LRP1B: variants seen among roughly 807,000 people sequenced by gnomAD.
LRP1B encodes the protein LDL receptor related protein 1B.
LRP1B carries 217 observed loss-of-function variants against 556.6 expected under a neutral mutation model. The ratio of observed to expected loss-of-function variants is 0.39; its 90% CI spans 0.35 to 0.44. The LOEUF (loss-of-function observed/expected upper bound fraction) is 0.44. Among genes scored for constraint, LRP1B ranks in the 20% least tolerant of loss-of-function variants. LRP1B has a pLI of 1.00. For missense variants in LRP1B, 5,053 were observed against 5,620.8 expected, an observed-to-expected ratio of 0.90 and a Z score of 3.23; for synonymous variants, 2,047 against 1,865.8, an observed-to-expected ratio of 1.10 and a Z score of -2.50.
At chr2:140,783,353 A>G (rs1689766921) in intron 32 of LRP1B, among the ~76,000 whole-genome samples, 1 of 148,634 alleles carries the variant, frequency 6.7e-6, no homozygotes, top group African/African-American at 2.5e-5. Context: ...ATAAATAAAG[A>G]GTAGTTTACT....
rs2105187639 is a variant in LRP1B at position 140,884,001 on chromosome 2, C to T, written c.3985G>A (p.Val1329Ile). The part of the protein sequence containing the change: ...ESGGVSAIEV[V>I]VEHGLATPEG... ...GGAGTAGCCAGGCCATGCTCCACAA[C>T]CACTTCAATGGCACTGACACCTACA... Residue 1329 changes from valine to isoleucine, a missense_variant, in exon 25 of 91, where the codon GTT becomes ATT. Val to Ile is a conservative substitution (Grantham distance 29, BLOSUM62 3). Coordinates refer to ENST00000389484, the MANE Select transcript of LRP1B (RefSeq NM_018557.3). The T allele has an allele frequency of 6.2e-7, 1 of 1,612,674 alleles. No homozygotes were observed. The highest frequency in any genetic ancestry group is 8.5e-7 in the Non-Finnish European group (1 of 1,179,804).
chr2:141,208,340 C>G (rs1682374482), intron 6 of LRP1B: 1 of 152,246 alleles, frequency 6.6e-6, no homozygotes, highest in Non-Finnish European at 1.5e-5. Flanking sequence ...CGGCGCCATC[C>G]ATTCACCTCG....
At position 140,516,904 on chromosome 2, in the gene LRP1B, C is replaced by T. The variant is rs754061391; in HGVS notation, c.8134G>A (p.Asp2712Asn). ...DGQKDCEDGR[D>N]EFHCDSSCSW... ...AATGTCTCACCACAGTGGAATTCAT[C>T]ACGTCCATCCTCACAATCTTTCTGA... The change falls in exon 50 of 91, where the codon GAT becomes AAT. Residue 2712 changes from aspartate (D) to asparagine (N), a missense_variant. Transcript: ENST00000389484. 6.2e-7 allele frequency: 1 copy of T among 1,613,386 alleles called. No individual in the cohort carries two copies. The highest frequency in any genetic ancestry group is 8.5e-7 in the Non-Finnish European group (1 of 1,179,660).
chr2:141,810,753 A>C lies in LRP1B; in HGVS notation c.83-352T>G, dbSNP rs564251411. 2.6e-5 allele frequency among the ~76,000 whole-genome samples: 4 copies of C among 152,180 alleles called. No individual in the cohort carries two copies. In the South Asian group the frequency reaches 8.3e-4, roughly 32 times the overall value. On this transcript the variant is annotated intron_variant, in intron 1 of 90. Transcript: ENST00000389484. ...TGTTGAATCAAAGCAGAGGCTCTTG[A>C]GCATAGAAATTTTAGTTTCTTTCTC...
chr2:140,666,608 A>C (rs2105349845), intron 41 of LRP1B, among the ~76,000 whole-genome samples: 1 of 152,314 alleles, frequency 6.6e-6, no homozygotes, highest in Middle Eastern at 3.4e-3. Flanking sequence ...AGAAATTGTA[A>C]AATTCAGTTA....
intron 37 of LRP1B, among the ~76,000 whole-genome samples, chr2:140,703,703 G>C (rs1686728514): frequency 6.6e-6 from 1 of 152,058 alleles, no homozygotes; most frequent in Admixed American, 6.6e-5. Flanking sequence ...AGTGTCTCTT[G>C]TTCCCATGTT....
At chr2:142,010,701 T>C (rs1574590564) in intron 1 of LRP1B, among the ~76,000 whole-genome samples, 1 of 152,244 alleles carries the variant, frequency 6.6e-6, no homozygotes, top group East Asian at 1.9e-4. Context: ...TTGTAGGCTG[T>C]ATTCTGCCTA....
At chr2:140,466,900 T>C (rs1309749213) in intron 60 of LRP1B, among the ~76,000 whole-genome samples, 1 of 152,206 alleles carries the variant, frequency 6.6e-6, no homozygotes, top group Non-Finnish European at 1.5e-5. Flanking sequence ...TGAAGTTCAA[T>C]GGCACAAGCA....
chr2:141,764,337 C>T (rs1423545024), intron 2 of LRP1B, among the ~76,000 whole-genome samples: 1 of 152,144 alleles, frequency 6.6e-6, no homozygotes, highest in East Asian at 1.9e-4. Flanking sequence ...CCCGCCACCA[C>T]ATCCAGCTAA....
At chr2:141,755,579 C>T (rs892656121) in intron 2 of LRP1B, among the ~76,000 whole-genome samples, 3 of 151,884 alleles carry the variant, frequency 2.0e-5, no homozygotes, top group Non-Finnish European at 2.9e-5. Context: ...GAGGTAAAAA[C>T]CTTTTGGAGG....
chr2:141,427,103 T>G (rs1680395475), intron 3 of LRP1B, among the ~76,000 whole-genome samples: 1 of 152,162 alleles, frequency 6.6e-6, no homozygotes, highest in East Asian at 1.9e-4. Context: ...CAACTCCCAC[T>G]TATGAGTGCG....
intron 49 of LRP1B, among the ~76,000 whole-genome samples, chr2:140,522,923 G>A (rs756461660): frequency 1.3e-5 from 2 of 151,868 alleles, no homozygotes; most frequent in Non-Finnish European, 2.9e-5. Flanking sequence ...AAAAAGCCCT[G>A]GAACAGATAT....
At chr2:141,508,678 C>T (rs1181564118) in intron 2 of LRP1B, among the ~76,000 whole-genome samples, 1 of 151,586 alleles carries the variant, frequency 6.6e-6, no homozygotes, top group East Asian at 1.9e-4. Flanking sequence ...CAGTTAAATA[C>T]TTTTTGAAAA....
intron 35 of LRP1B, among the ~76,000 whole-genome samples, chr2:140,757,792 A>T (rs1688786768): frequency 6.6e-6 from 1 of 152,200 alleles, no homozygotes. Context: ...GAAGCATGAC[A>T]ATCGCCTGAA....
chr2:141,447,455 G>T (rs185696469), intron 3 of LRP1B, among the ~76,000 whole-genome samples: 1 of 151,932 alleles, frequency 6.6e-6, no homozygotes, highest in South Asian at 2.1e-4. Flanking sequence ...TTGTGCCCTT[G>T]CTGGTGAGGA....
chr2:141,984,085 G>T (rs1416110769), intron 1 of LRP1B, among the ~76,000 whole-genome samples: 1 of 152,034 alleles, frequency 6.6e-6, no homozygotes, highest in African/African-American at 2.4e-5. Flanking sequence ...TAAATAAAAA[G>T]CCCATTTAGT....
chr2:141,414,106 G>A (rs949957665), intron 3 of LRP1B, among the ~76,000 whole-genome samples: 6 of 151,506 alleles, frequency 4.0e-5, no homozygotes, highest in Admixed American at 2.6e-4. Context: ...GTGTGGTGGC[G>A]GGTGCCTGTA....
At chr2:141,372,471 GTATGTTTGGT>G (rs1370089824) in intron 3 of LRP1B, among the ~76,000 whole-genome samples, 1 of 152,024 alleles carries the variant, frequency 6.6e-6, no homozygotes, top group Non-Finnish European at 1.5e-5. Context: ...GTTCATTTTT[GTATGTTTGGT>G]AGAATTTGGC....
chr2:140,888,910 C>A (rs1693717747), intron 23 of LRP1B, among the ~76,000 whole-genome samples: 1 of 149,748 alleles, frequency 6.7e-6, no homozygotes, highest in East Asian at 2.0e-4. Context: ...TTGCAGTGAG[C>A]CTAGATCATG....
Sources: gnomAD v4.1 joint callset for allele counts (sites outside exome capture counted in the v4.1 genomes callset) on GRCh38, gnomAD v4.1.1 for gene constraint, MANE v1.5 for transcripts, NCBI Gene and HGNC (gene_info 2026-07-23, HGNC 2026-07-21) for gene names.